MYBPC2: variants seen among roughly 807,000 people sequenced by gnomAD.
MYBPC2 encodes the protein myosin binding protein C2.
Under a neutral mutation model 137.0 loss-of-function variants are expected in MYBPC2, and 122 were observed. The observed-to-expected ratio is 0.89, with a 90% CI of 0.77 to 1.03. MYBPC2 has a LOEUF of 1.03. Ranked by LOEUF, MYBPC2 falls within the 50% of genes least tolerant of loss-of-function variation. MYBPC2 has a pLI of 0.00. For missense variants in MYBPC2, 1,500 were observed against 1,534.4 expected, an observed-to-expected ratio of 0.98 and a Z score of 0.37; for synonymous variants, 626 against 612.3, an observed-to-expected ratio of 1.02 and a Z score of -0.33.
At chr19:50,459,048 G>C in intron 22 of MYBPC2, 42 bp downstream of exon 22, 1 of 1,570,240 alleles carries the variant, frequency 6.4e-7, no homozygotes, top group Non-Finnish European at 8.6e-7. Context: ...CGCTCTCGCC[G>C]CAAGCCCCCT....
intron 9 of MYBPC2, 136 bp from the exon 10 acceptor site, chr19:50,443,358 G>C: frequency 1.0e-6 from 1 of 980,462 alleles, no homozygotes; most frequent in South Asian, 1.9e-5. Flanking sequence ...ATTGAAACTG[G>C]GCCCTCAATC....
In MYBPC2 at chr19:50,464,427, A is replaced by ACG. The variant is rs767632040; in HGVS notation, c.3312_3313dup (p.Leu1105ArgfsTer2). On this transcript the variant is annotated frameshift_variant, in exon 27 of 28. Transcript: ENST00000357701. LOFTEE classifies it high-confidence loss of function. ...GATAACCAATTACCAAGGAGTCCTGACGCTGAACATCCGTCGCCCCTCGCC... is the reference window on the plus strand; with the variant it reads ...GATAACCAATTACCAAGGAGTCCTGACGCGCTGAACATCCGTCGCCCCTCGCC... The ACG allele has an allele frequency of 1.5e-5, 24 of 1,611,780 alleles. No individual in the cohort carries two copies. In the African/African-American group the frequency reaches 2.5e-4, roughly 17 times the overall value.
intron 1 of MYBPC2, among the ~76,000 whole-genome samples, chr19:50,434,781 G>C (rs1158341635): frequency 1.3e-5 from 2 of 152,200 alleles, no homozygotes; most frequent in African/African-American, 4.8e-5. Flanking sequence ...CAGCAGGCAG[G>C]GCAGGGGAAG....
rs754853484 is a variant in MYBPC2, at chr19:50,464,551, C to T, written c.3415+19C>T. 1 of 1,585,472 alleles carries T rather than the reference C, an allele frequency of 6.3e-7. No individual in the cohort carries two copies. Among genetic ancestry groups the T allele is most frequent in the Non-Finnish European group, 8.6e-7 (1 of 1,167,604 alleles). ...GTCCGAGGTGAGGGCGTGGCCATCC[C>T]CAACACTGGCTGACCCTTGCTCGGG... is the stretch of plus-strand genomic sequence containing the variant. On this transcript the variant is annotated intron_variant, in intron 27 of 27. Transcript: ENST00000357701.
Position 50,450,826 on chromosome 19 carries a change from T to TA in MYBPC2, c.1473-2dup, listed in dbSNP as rs763543604. On this transcript the variant is annotated splice_polypyrimidine_tract_variant and splice_region_variant and intron_variant, in intron 13 of 27. Coordinates refer to ENST00000357701, the MANE Select transcript of MYBPC2 (RefSeq NM_004533.4). ...AGCCCTACCCTGCTCCCCCACCCCT[T>TA]AGGTTCCACAAGCTGGTGATCGATG... The TA allele has an allele frequency of 4.5e-6, 7 of 1,561,822 alleles. No individual in the cohort carries two copies. In the South Asian group the frequency reaches 7.1e-5, roughly 16 times the overall value.
At chr19:50,457,765 T>A (rs191320483) in intron 20 of MYBPC2, among the ~76,000 whole-genome samples, 6 of 148,832 alleles carry the variant, frequency 4.0e-5, no homozygotes, top group Admixed American at 2.7e-4. Flanking sequence ...CTGCAACCTC[T>A]GCCTCCCAGG....
chr19:50,448,526 T>C (rs2039828134), intron 13 of MYBPC2, 136 bp downstream of exon 13: 27 of 1,197,146 alleles, frequency 2.3e-5, no homozygotes, highest in Middle Eastern at 6.2e-4. Flanking sequence ...TAGAGTGCAA[T>C]GGCGCGATCT....
At position 50,458,974 on chromosome 19, in the gene MYBPC2, G is replaced by A. The variant is rs2039941536; in HGVS notation, c.2563G>A (p.Gly855Ser). ...CCGCCAGACCTACATCCGCAAAGTG[G>A]GCGAGCAGCTCAACCTTGTCGTCCC... ...HLRQTYIRKV[G>S]EQLNLVVPFQ... Residue 855 changes from glycine (G) to serine (S), a missense_variant, in exon 22 of 28, where the codon GGC becomes AGC. By Grantham distance (56) the Gly-to-Ser change is moderately conservative (BLOSUM62 0). Transcript: ENST00000357701. The A allele has an allele frequency of 6.2e-7, 1 of 1,612,706 alleles. No individual in the cohort carries two copies. Among genetic ancestry groups the A allele is most frequent in the Non-Finnish European group, 8.5e-7 (1 of 1,179,596 alleles).
intron 20 of MYBPC2, among the ~76,000 whole-genome samples, chr19:50,456,082 GTCCATCCA>G (rs34206117): frequency 0.098 from 12,552 of 127,678 alleles, 639 homozygotes; most frequent in African/African-American, 0.17. Flanking sequence ...TCATCTTACC[GTCCATCCA>G]TCCATCCATC....
At chr19:50,458,167 G>C (rs2122612873) in intron 20 of MYBPC2, among the ~76,000 whole-genome samples, 1 of 151,572 alleles carries the variant, frequency 6.6e-6, no homozygotes, top group African/African-American at 2.4e-5. Context: ...AAAATTAGCT[G>C]GGCGTGGTGG....
chr19:50,443,109 T>C (rs2039770958), intron 9 of MYBPC2, among the ~76,000 whole-genome samples: 1 of 151,830 alleles, frequency 6.6e-6, no homozygotes, highest in South Asian at 2.1e-4. Flanking sequence ...TTGGACAACA[T>C]AGCGAGATCC....
chr19:50,457,648 A>C (rs1019468809), intron 20 of MYBPC2, among the ~76,000 whole-genome samples: 5 of 147,528 alleles, frequency 3.4e-5, no homozygotes, highest in African/African-American at 1.3e-4. Flanking sequence ...AAGTGCTGGG[A>C]TTACAGGCAT....
Position 50,465,777 on chromosome 19 carries a change from C to T in MYBPC2, c.3416-418C>T, listed in dbSNP as rs894470814. Among the ~76,000 whole-genome samples the T allele has an allele frequency of 3.3e-5, 5 of 151,992 alleles. No individual in the cohort carries two copies. The highest frequency in any genetic ancestry group is 1.2e-4 in the African/African-American group (5 of 41,398). ...GGAGGATCACTTGAACCAGGGAGGC[C>T]GAGGCTGCAGTGAGCTGAGATGGCA... On this transcript the variant is annotated intron_variant, in intron 27 of 27. Coordinates refer to ENST00000357701, the MANE Select transcript of MYBPC2 (RefSeq NM_004533.4). This position sits in a 1 kb window ranked among gnomAD's most constrained non-coding sequence, Gnocchi z 4.5.
At chr19:50,458,442 AC>A in intron 20 of MYBPC2, 144 bp from the exon 21 acceptor site, 1 of 984,674 alleles carries the variant, frequency 1.0e-6, no homozygotes, top group Non-Finnish European at 1.5e-6. Context: ...TGAATGCTTA[AC>A]TAACTCCAGC....
intron 27 of MYBPC2, among the ~76,000 whole-genome samples, chr19:50,464,863 G>C (rs1411955150): frequency 6.6e-6 from 1 of 152,146 alleles, no homozygotes; most frequent in Non-Finnish European, 1.5e-5. Flanking sequence ...TTGACAGAGT[G>C]AGAGCAAATA....
intron 16 of MYBPC2, among the ~76,000 whole-genome samples, chr19:50,453,005 T>G (rs780062071): frequency 6.6e-6 from 1 of 152,172 alleles, no homozygotes; most frequent in African/African-American, 2.4e-5. Context: ...ATCCATCCAT[T>G]TGCTCACTCA....
chr19:50,455,268 C>A lies in MYBPC2; in HGVS notation c.2175C>A (p.Ser725Arg), dbSNP rs1342386361. 1 of 1,613,804 alleles carries A rather than the reference C, an allele frequency of 6.2e-7. No individual in the cohort carries two copies. Among genetic ancestry groups the A allele is most frequent in the Non-Finnish European group, 8.5e-7 (1 of 1,179,798 alleles). The change falls in exon 19 of 28, where the codon AGC (serine) becomes AGA (arginine). Residue 725 changes from serine (S) to arginine (R), a missense_variant. Transcript: ENST00000357701. ...ATGCTATAGGGGTCTCCCAGCCCAG[C>A]ATGAACACCAAGCCTTTTATGCCTA... ...AVNAIGVSQP[S>R]MNTKPFMPIA...
chr19:50,446,074 C>T, intron 12 of MYBPC2, 22 bp downstream of exon 12: 5 of 1,607,206 alleles, frequency 3.1e-6, no homozygotes, highest in African/African-American at 1.3e-5. Context: ...CCAGGTAGGG[C>T]ACGGGCTGCA....
At chr19:50,447,074 G>A (rs1242841547) in intron 12 of MYBPC2, among the ~76,000 whole-genome samples, 2 of 151,742 alleles carry the variant, frequency 1.3e-5, no homozygotes, top group African/African-American at 4.8e-5. Flanking sequence ...CTCATGCCTG[G>A]ACTGGTGCAG....
Sources: allele counts gnomAD v4.1 joint callset (sites outside exome capture counted in the v4.1 genomes callset), GRCh38; gene constraint gnomAD v4.1.1; non-coding constraint Gnocchi (gnomAD v3.1); transcripts MANE v1.5; gene names NCBI Gene and HGNC (gene_info 2026-07-23, HGNC 2026-07-21).